Variants in ATP13A4 observed in about 807,000 individuals in gnomAD.
The protein encoded by ATP13A4 is probable cation-transporting ATPase 13A4.
In ATP13A4, 114 loss-of-function variants were observed where a neutral mutation model predicts 142.5. The observed-to-expected ratio is 0.80, with a 90% CI of 0.69 to 0.93. The LOEUF is 0.93. Among genes scored for constraint, ATP13A4 ranks in the 40% least tolerant of loss-of-function variants. ATP13A4 has a pLI of 0.00. For missense variants in ATP13A4, 1,392 were observed against 1,454.0 expected (o/e 0.96, Z 0.69); for synonymous variants, 488 against 514.8 (o/e 0.95, Z 0.70).
chr3:193,493,034 T>C (rs767639096), intron 4 of ATP13A4, 37 bp from the exon 5 acceptor site: 17 of 1,602,758 alleles, frequency 1.1e-5, no homozygotes, highest in African/African-American at 2.7e-5. Context: ...TATTTAGCAA[T>C]AATATTTTTG....
chr3:193,565,640 C>T (rs139617377), intron 2 of ATP13A4, among the ~76,000 whole-genome samples: 1 of 152,278 alleles, frequency 6.6e-6, no homozygotes, highest in Non-Finnish European at 1.5e-5. Flanking sequence ...TATTTCCACC[C>T]AGTGGTCCCA....
intron 2 of ATP13A4, among the ~76,000 whole-genome samples, chr3:193,513,411 G>A (rs1309509380): frequency 6.6e-6 from 1 of 152,204 alleles, no homozygotes. Context: ...GGGGCCATGG[G>A]CTGATGCATT....
chr3:193,420,195 G>A (rs1315422797), intron 25 of ATP13A4, among the ~76,000 whole-genome samples: 1 of 149,412 alleles, frequency 6.7e-6, no homozygotes, highest in Non-Finnish European at 1.5e-5. Context: ...TGCCAGACCT[G>A]ACACCGAGAG....
chr3:193,582,380 C>T (rs117789804), intron 1 of ATP13A4, among the ~76,000 whole-genome samples: 3,844 of 149,364 alleles, frequency 0.026, 53 homozygotes, highest in East Asian at 0.032. Context: ...ATCTCCTGAC[C>T]TTGTGATCCG....
chr3:193,548,649 G>C (rs533471901), intron 1 of ATP13A4, among the ~76,000 whole-genome samples: 9 of 152,278 alleles, frequency 5.9e-5, no homozygotes, highest in South Asian at 2.1e-4. Context: ...CTATTGAGGT[G>C]GGGGAGGTGC....
intron 25 of ATP13A4, among the ~76,000 whole-genome samples, chr3:193,418,731 C>G (rs1473561912): frequency 1.3e-5 from 2 of 149,962 alleles, no homozygotes; most frequent in Non-Finnish European, 2.9e-5. Context: ...GCTGTGCTAC[C>G]CCAGAGTAGA....
upstream of ATP13A4, among the ~76,000 whole-genome samples, chr3:193,559,218 A>G (rs1343034735): frequency 6.6e-6 from 1 of 152,336 alleles, no homozygotes; most frequent in African/African-American, 2.4e-5. Context: ...GGTGAGTAGT[A>G]TCATTGCTCC....
intron 9 of ATP13A4, among the ~76,000 whole-genome samples, chr3:193,468,053 C>T (rs1235012709): frequency 2.6e-5 from 4 of 152,168 alleles, no homozygotes; most frequent in Admixed American, 2.0e-4. Flanking sequence ...GTGGCACATG[C>T]CTGTGATCCC....
intron 16 of ATP13A4, 50 bp from the exon 17 acceptor site, chr3:193,454,262 T>C (rs1282227553): frequency 2.2e-6 from 3 of 1,373,700 alleles, no homozygotes; most frequent in Non-Finnish European, 2.1e-6. Context: ...GCTTAGGCAG[T>C]ACTGGCAAAG....
rs188346568 is a variant in ATP13A4, at chr3:193,399,494, G to A, written c.*3158C>T. 6.6e-6 allele frequency among the ~76,000 whole-genome samples: 1 copy of A among 152,226 alleles called. No individual in the cohort carries two copies. Among genetic ancestry groups the A allele is most frequent in the Admixed American group, 6.5e-5 (1 of 15,298 alleles). On this transcript the variant is annotated 3_prime_UTR_variant, in exon 30 of 30. Transcript: ENST00000342695. The stretch of plus-strand genomic sequence containing the variant: ...CACACAATCGGATCTGACAAGGCTG[G>A]GAGCCCTCCCTCCAGAGCCCATCCT...
chr3:193,459,418 G>T (rs757740940), intron 13 of ATP13A4, among the ~76,000 whole-genome samples, 187 bp from the exon 14 acceptor site: 16 of 152,130 alleles, frequency 1.1e-4, no homozygotes, highest in Non-Finnish European at 1.0e-4. Context: ...TATGAGAAAG[G>T]TCTCTGAGTT....
chr3:193,522,562 G>A (rs1358745934), intron 1 of ATP13A4, among the ~76,000 whole-genome samples: 1 of 152,138 alleles, frequency 6.6e-6, no homozygotes, highest in Non-Finnish European at 1.5e-5. Context: ...ACCCAACAAG[G>A]CTGCCTGTCA....
chr3:193,469,235 G>A lies in ATP13A4; in HGVS notation c.943+1624C>T, dbSNP rs376515991. On this transcript the variant is annotated intron_variant, in intron 9 of 29. Coordinates refer to ENST00000342695, the MANE Select transcript of ATP13A4 (RefSeq NM_032279.4). Reference sequence around the variant, plus strand: ...AGTCAGTGGTAGAAGAATTTGGAGAGAGAGAATTATCTTAGAAAGTTATAG... The same window carrying A: ...AGTCAGTGGTAGAAGAATTTGGAGAAAGAGAATTATCTTAGAAAGTTATAG... Among the ~76,000 whole-genome samples, 8 of 152,168 alleles carry A rather than the reference G, an allele frequency of 5.3e-5. No individual in the cohort carries two copies. In the East Asian group the frequency reaches 1.5e-3, roughly 29 times the overall value.
At position 193,443,108 on chromosome 3, in the gene ATP13A4, G is replaced by A. The variant is rs541759975; in HGVS notation, c.2153-552C>T. ...CTTCCCTATTCCATATTTGACTGGC[G>A]TGTGGGCCTCAGTTAAAAAGCTGTT... is the stretch of plus-strand genomic sequence containing the variant. On this transcript the variant is annotated intron_variant, in intron 18 of 29. Coordinates refer to ENST00000342695, the MANE Select transcript of ATP13A4 (RefSeq NM_032279.4). 1.1e-4 allele frequency among the ~76,000 whole-genome samples: 17 copies of A among 152,214 alleles called. No individual in the cohort carries two copies. The East Asian group carries it at 1.7e-3, about 16-fold the overall frequency.
upstream of ATP13A4, chr3:193,554,899 A>G (rs2108732761): frequency 6.2e-7 from 1 of 1,610,960 alleles, no homozygotes; most frequent in East Asian, 2.2e-5. Context: ...GCTGACTAAA[A>G]GAGTTAATGA....
intron 18 of ATP13A4, among the ~76,000 whole-genome samples, chr3:193,447,807 C>T (rs1717040721): frequency 2.0e-5 from 3 of 152,150 alleles, no homozygotes; most frequent in African/African-American, 7.2e-5. Flanking sequence ...TTATAGACCC[C>T]ATCAACTGAG....
rs1719455362 is a variant in ATP13A4 at position 193,483,957 on chromosome 3, C to A, written c.787G>T (p.Val263Phe). The change falls in exon 8 of 30, where the codon GTC (valine) becomes TTC (phenylalanine). Residue 263 changes from valine (V) to phenylalanine (F), a missense_variant. By Grantham distance (50) the Val-to-Phe change is conservative. Transcript: ENST00000342695. ...TTACCTTTTCTCCCACATACAGAGACCGTAATGCTATTATGTGACTCGACG... is the reference window on the plus strand; with the variant it reads ...TTACCTTTTCTCCCACATACAGAGAACGTAATGCTATTATGTGACTCGACG... ...HLVESHNSIT[V>F]SVCGRKAGVQ... 1.2e-6 allele frequency: 2 copies of A among 1,607,252 alleles called. No homozygotes were observed. The highest frequency in any genetic ancestry group is 8.5e-7 in the Non-Finnish European group (1 of 1,174,100).
At chr3:193,493,031 CA>C (rs1156654992) in intron 4 of ATP13A4, 34 bp from the exon 5 acceptor site, 1 of 1,601,944 alleles carries the variant, frequency 6.2e-7, no homozygotes, top group South Asian at 1.1e-5. Context: ...ACATATTTAG[CA>C]ATAATATTTT....
At chr3:193,497,493 T>C (rs946620835) in intron 3 of ATP13A4, among the ~76,000 whole-genome samples, 2 of 152,220 alleles carry the variant, frequency 1.3e-5, no homozygotes, top group African/African-American at 4.8e-5. Context: ...ACAGCCATTA[T>C]GAAAAACAGT....
Sources: gnomAD v4.1 joint callset for allele counts (sites outside exome capture counted in the v4.1 genomes callset) on GRCh38, gnomAD v4.1.1 for gene constraint, MANE v1.5 for transcripts, NCBI Gene and HGNC (gene_info 2026-07-23, HGNC 2026-07-21) for gene names.